UNC5D: variants seen among roughly 807,000 people sequenced by gnomAD.
The protein encoded by UNC5D is netrin receptor UNC5D.
UNC5D carries 39 observed loss-of-function variants against 105.4 expected under a neutral mutation model. That is an observed-to-expected ratio of 0.37 (90% CI 0.29 to 0.48). The LOEUF (loss-of-function observed/expected upper bound fraction) is 0.48. Among genes scored for constraint, UNC5D ranks in the 20% least tolerant of loss-of-function variants. The pLI is 0.98. For missense variants in UNC5D, 991 were observed against 1,202.4 expected, an observed-to-expected ratio of 0.82 and a Z score of 2.60; for synonymous variants, 452 against 450.4, an observed-to-expected ratio of 1.00 and a Z score of -0.04.
At chr8:35,370,999 G>A (rs992148082) in intron 1 of UNC5D, among the ~76,000 whole-genome samples, 7 of 152,122 alleles carry the variant, frequency 4.6e-5, no homozygotes, top group Admixed American at 4.6e-4. Flanking sequence ...TGAGGTGGGA[G>A]GATTGCTTGA....
intron 1 of UNC5D, among the ~76,000 whole-genome samples, chr8:35,430,873 G>T (rs78225022): frequency 6.6e-6 from 1 of 152,162 alleles, no homozygotes; most frequent in Admixed American, 6.5e-5. Flanking sequence ...GATGGAAGAA[G>T]CACCTTGGTG....
At chr8:35,289,791 T>C (rs931156987) in intron 1 of UNC5D, among the ~76,000 whole-genome samples, 2 of 152,050 alleles carry the variant, frequency 1.3e-5, no homozygotes, top group African/African-American at 4.8e-5. Context: ...TATGAACAAA[T>C]GCTCAGCATT....
chr8:35,558,206 A>G (rs1040779697), intron 2 of UNC5D, among the ~76,000 whole-genome samples: 1 of 151,632 alleles, frequency 6.6e-6, no homozygotes, highest in Non-Finnish European at 1.5e-5. Flanking sequence ...TTGCTTGTCG[A>G]TGTATCCTCA....
rs1264294695 is a variant in UNC5D at position 35,791,170 on chromosome 8, G to A, written c.*607G>A. 4.4e-5 allele frequency: 7 copies of A among 159,542 alleles called. No individual in the cohort carries two copies. Among genetic ancestry groups the A allele is most frequent in the Admixed American group, 3.5e-4 (6 of 17,040 alleles). The allele number at this position is 159,542 out of a possible 1,614,324, so 9.9% of individuals were successfully genotyped here. A position where few individuals can be genotyped will look rare whatever the true frequency, so the allele number is the denominator to read the frequency against. ...TAATGGAGACACAATGGAGAGGTAAGACAGACCACAAACTAGTTCTTATAG... is the reference window on the plus strand; with the variant it reads ...TAATGGAGACACAATGGAGAGGTAAAACAGACCACAAACTAGTTCTTATAG... On this transcript the variant is annotated 3_prime_UTR_variant, in exon 17 of 17. Coordinates refer to ENST00000404895, the MANE Select transcript of UNC5D (RefSeq NM_080872.4).
intron 1 of UNC5D, among the ~76,000 whole-genome samples, chr8:35,455,874 A>G (rs1016057008): frequency 7.2e-5 from 11 of 152,200 alleles, no homozygotes; most frequent in African/African-American, 2.6e-4. Context: ...CTACCCCAGG[A>G]TTCAATTATG....
At chr8:35,766,232 A>G (rs772790863) in intron 14 of UNC5D, among the ~76,000 whole-genome samples, 13 of 152,020 alleles carry the variant, frequency 8.6e-5, no homozygotes, top group Non-Finnish European at 1.9e-4. Flanking sequence ...CACTTTATAC[A>G]TTATAGTTGA....
intron 1 of UNC5D, among the ~76,000 whole-genome samples, chr8:35,305,714 CCT>C (rs560503390): frequency 1.4e-5 from 2 of 141,958 alleles, no homozygotes; most frequent in African/African-American, 2.6e-5. Flanking sequence ...TGCCTGACTC[CCT>C]CTCTTTCTCT....
chr8:35,580,498 A>T (rs1164457407), intron 3 of UNC5D, among the ~76,000 whole-genome samples: 2 of 152,176 alleles, frequency 1.3e-5, no homozygotes, highest in African/African-American at 4.8e-5. Context: ...GAAAATCTGT[A>T]AATGGTCAAG....
At chr8:35,779,467 T>A (rs1802404741) in intron 16 of UNC5D, among the ~76,000 whole-genome samples, 1 of 152,098 alleles carries the variant, frequency 6.6e-6, no homozygotes, top group Admixed American at 6.6e-5. Context: ...TTTGTTTGCT[T>A]GTTTGTTTTG....
At chr8:35,665,966 T>A (rs575755049) in intron 4 of UNC5D, among the ~76,000 whole-genome samples, 1 of 152,064 alleles carries the variant, frequency 6.6e-6, no homozygotes, top group Non-Finnish European at 1.5e-5. Context: ...TACTTTTTTT[T>A]TTTTTGACAA....
chr8:35,425,410 C>T (rs998769992), intron 1 of UNC5D, among the ~76,000 whole-genome samples: 2 of 152,186 alleles, frequency 1.3e-5, no homozygotes, highest in African/African-American at 2.4e-5. Context: ...CTTAGAGCTT[C>T]TGTTTATCCA....
chr8:35,392,180 G>A (rs1008259848), intron 1 of UNC5D, among the ~76,000 whole-genome samples: 10 of 152,066 alleles, frequency 6.6e-5, no homozygotes, highest in African/African-American at 2.4e-4. Context: ...GCTTTTAGAG[G>A]TTGCCCATGT....
Position 35,683,603 on chromosome 8 carries a change from C to A in UNC5D, c.627C>A (p.Asp209Glu). The A allele has an allele frequency of 6.3e-7, 1 of 1,581,556 alleles. No individual in the cohort carries two copies. The highest frequency in any genetic ancestry group is 8.6e-7 in the Non-Finnish European group (1 of 1,168,634). ...PIDSEQDENI[D>E]TRADHNLIIR... is the part of the protein sequence containing the mutation. ...ACTCTGAACAAGACGAGAACATTGA[C>A]ACCAGGGCTGACCATAACCTGATCA... Residue 209 changes from aspartate to glutamate, a missense_variant, in exon 5 of 17, where the codon GAC becomes GAA. Physicochemically the swap from Asp to Glu is conservative, Grantham distance 45. Around this residue, in one of 3 missense-constraint regions of UNC5D, gnomAD observed 944 missense variants for 1,131.6 expected, o/e 0.83. Transcript: ENST00000404895.
intron 11 of UNC5D, among the ~76,000 whole-genome samples, chr8:35,739,868 C>CT: frequency 6.6e-6 from 1 of 152,332 alleles, no homozygotes; most frequent in African/African-American, 2.4e-5. Context: ...CCCACGTTTT[C>CT]TAAGACAATC....
At chr8:35,571,079 G>A (rs771519468) in intron 3 of UNC5D, among the ~76,000 whole-genome samples, 5 of 152,074 alleles carry the variant, frequency 3.3e-5, no homozygotes, top group Non-Finnish European at 7.4e-5. Flanking sequence ...TTGAATTCCT[G>A]GCCTCAAGCA....
chr8:35,622,268 G>A (rs1416307568), intron 4 of UNC5D, among the ~76,000 whole-genome samples: 1 of 152,146 alleles, frequency 6.6e-6, no homozygotes, highest in Non-Finnish European at 1.5e-5. Context: ...CTTGAACCTG[G>A]GAGGTGGAGG....
intron 1 of UNC5D, among the ~76,000 whole-genome samples, chr8:35,377,695 G>A (rs576031568): frequency 3.9e-5 from 6 of 152,154 alleles, no homozygotes; most frequent in Non-Finnish European, 8.8e-5. Flanking sequence ...CCCAGGTGAG[G>A]CAAGGGGAAG....
chr8:35,561,757 T>A lies in UNC5D; in HGVS notation c.323-6341T>A, dbSNP rs184466521. Among the ~76,000 whole-genome samples, 291 of 152,320 alleles carry A rather than the reference T, an allele frequency of 1.9e-3. 1 individual carries two copies. Among genetic ancestry groups the A allele is most frequent in the African/African-American group, 6.5e-3 (272 of 41,570 alleles). ...TTAGCTTGAACCTATTCCTTTTTTT[T>A]AATTGATACATAATTTACATATTTT... On this transcript the variant is annotated intron_variant, in intron 2 of 16. Transcript: ENST00000404895.
intron 16 of UNC5D, among the ~76,000 whole-genome samples, chr8:35,784,602 G>T (rs1802658426): frequency 1.3e-5 from 2 of 151,950 alleles, no homozygotes; most frequent in Admixed American, 1.3e-4. Context: ...ACAAAAATTA[G>T]CTGGGCATGG....
Sources: allele counts gnomAD v4.1 joint callset (sites outside exome capture counted in the v4.1 genomes callset), GRCh38; gene constraint gnomAD v4.1.1; regional missense constraint gnomAD v4.1.1; transcripts MANE v1.5; gene names NCBI Gene and HGNC (gene_info 2026-07-23, HGNC 2026-07-21).